Variants in PCNT observed in about 807,000 individuals in gnomAD.
PCNT encodes the protein pericentrin, also known as kendrin.
PCNT carries 319 observed loss-of-function variants against 380.4 expected under a neutral mutation model. The observed-to-expected ratio is 0.84, with a 90% confidence interval of 0.77 to 0.92. The LOEUF (loss-of-function observed/expected upper bound fraction) is 0.92. Ranked by LOEUF, PCNT falls within the 40% of genes least tolerant of loss-of-function variation. The pLI, the probability that PCNT is intolerant of heterozygous loss-of-function variation, is 0.00. For missense variants in PCNT, 4,400 were observed against 4,255.3 expected (o/e 1.03, Z -0.95); for synonymous variants, 1,845 against 1,735.2 (o/e 1.06, Z -1.57).
At chr21:46,375,002 G>A (rs1023486422) in intron 15 of PCNT, among the ~76,000 whole-genome samples, 1 of 152,200 alleles carries the variant, frequency 6.6e-6, no homozygotes. Flanking sequence ...TGTTGGAACA[G>A]CAGTCACTTG....
intron 38 of PCNT, among the ~76,000 whole-genome samples, chr21:46,434,838 G>C (rs1023261772): frequency 1.3e-5 from 2 of 152,204 alleles, no homozygotes; most frequent in Non-Finnish European, 2.9e-5. Context: ...TGGTATGAGC[G>C]TCTGGGCGTG....
At chr21:46,365,733 T>C (rs1249707259) in intron 14 of PCNT, among the ~76,000 whole-genome samples, 1 of 147,984 alleles carries the variant, frequency 6.8e-6, no homozygotes, top group Non-Finnish European at 1.5e-5. Flanking sequence ...TGGGGTTCTA[T>C]TCACTGCCGT....
intron 36 of PCNT, 102 bp downstream of exon 36, chr21:46,430,334 G>T: frequency 2.1e-6 from 3 of 1,395,420 alleles, no homozygotes; most frequent in Non-Finnish European, 2.0e-6. Context: ...GGCCGCAGTT[G>T]GGCAGCCCCA....
chr21:46,331,885 C>T lies in PCNT; in HGVS notation c.268-2512C>T, dbSNP rs191897049. 5.7e-4 allele frequency among the ~76,000 whole-genome samples: 87 copies of T among 152,016 alleles called. 1 individual carries two copies. Among genetic ancestry groups the T allele is most frequent in the Admixed American group, 1.5e-3 (23 of 15,266 alleles). On this transcript the variant is annotated intron_variant, in intron 2 of 46. Transcript: ENST00000359568. ...TTGGTAAAAGAACCATCTGGCGGGA[C>T]GCATTGGCTCATGCCTGTAATCCCA...
chr21:46,399,767 CAG>C lies in PCNT; in HGVS notation c.4764_4765del (p.Asn1590HisfsTer9). ...CCAGCTCCAGGAAGAAGTGGAAAAA[CAG>C]AAAAACATCGTGAAAGGGCTGGAAC... ...VAQLQEEVEK[Q>X]KNIVKGLEQD... is the part of the protein sequence containing the mutation. On this transcript the variant is annotated frameshift_variant, in exon 25 of 47. Coordinates refer to ENST00000359568, the MANE Select transcript of PCNT (RefSeq NM_006031.6). LOFTEE classifies it high-confidence loss of function. The C allele has an allele frequency of 6.2e-7, 1 of 1,614,108 alleles. No homozygotes were observed. The highest frequency in any genetic ancestry group is 8.5e-7 in the Non-Finnish European group (1 of 1,179,990).
chr21:46,419,156 T>C (rs1701181704), intron 31 of PCNT, among the ~76,000 whole-genome samples: 1 of 152,222 alleles, frequency 6.6e-6, no homozygotes, highest in South Asian at 2.1e-4. Context: ...ATCTGTTGGA[T>C]TTTTCAGCGA....
At chr21:46,440,322 C>A in intron 42 of PCNT, 120 bp downstream of exon 42, 1 of 1,050,798 alleles carries the variant, frequency 9.5e-7, no homozygotes, top group Non-Finnish European at 1.5e-6. Context: ...GCAGTCACAT[C>A]ACTAAAGGAA....
chr21:46,349,249 A>C, intron 7 of PCNT, 63 bp downstream of exon 7: 5 of 1,314,658 alleles, frequency 3.8e-6, no homozygotes, highest in Non-Finnish European at 5.5e-6. Flanking sequence ...TACTGGAAGG[A>C]ATGTCGTTCA....
chr21:46,367,141 T>A lies in PCNT; in HGVS notation c.3165+2T>A, dbSNP rs2084956661. ...CACGAGCTGCAGGGAGTGCACCAGG[T>A]AAGGCGCCAGGGCCCTGCCCCAGCC... On this transcript the variant is annotated splice_donor_variant, in intron 15 of 46. Transcript: ENST00000359568. LOFTEE classifies it high-confidence loss of function. 1 of 1,611,184 alleles carries A rather than the reference T, an allele frequency of 6.2e-7. No homozygotes were observed. The highest frequency in any genetic ancestry group is 1.3e-5 in the African/African-American group (1 of 74,866).
At position 46,430,567 on chromosome 21, in the gene PCNT, G is replaced by A. The variant is rs1306131423; in HGVS notation, c.7974G>A (p.Glu2658=). ...LKAALQELES[E]QGKGRALQSQ... ...CCGCGCTTCAGGAGCTGGAGAGTGA[G>A]CAGGGGAAGGGGCGTGCCCTGCAGA... The change falls in exon 37 of 47, where the codon GAG becomes GAA. Residue 2658 remains glutamate (E), a synonymous_variant. Coordinates refer to ENST00000359568, the MANE Select transcript of PCNT (RefSeq NM_006031.6). 1 of 1,559,596 alleles carries A rather than the reference G, an allele frequency of 6.4e-7. No individual in the cohort carries two copies. Among genetic ancestry groups the A allele is most frequent in the Non-Finnish European group, 8.7e-7 (1 of 1,152,260 alleles).
Position 46,425,161 on chromosome 21 carries a change from G to C in PCNT, c.7180-670G>C, listed in dbSNP as rs55963733. Among the ~76,000 whole-genome samples the C allele has an allele frequency of 3.5e-3, 531 of 152,294 alleles. 4 individuals carry two copies. Among genetic ancestry groups the C allele is most frequent in the African/African-American group, 0.012 (511 of 41,556 alleles). On this transcript the variant is annotated intron_variant, in intron 32 of 46. Coordinates refer to ENST00000359568, the MANE Select transcript of PCNT (RefSeq NM_006031.6). The surrounding 1 kb of genome is among the most constrained non-coding windows in gnomAD (Gnocchi z 4.2). ...GGGCTCTAGGCTGGTCGTGACACCA[G>C]CTTCTCCATAGGGCCGTCTGCTTAC... is the stretch of plus-strand genomic sequence containing the variant.
chr21:46,325,543 C>T (rs576484086), intron 1 of PCNT, among the ~76,000 whole-genome samples: 1 of 152,298 alleles, frequency 6.6e-6, no homozygotes, highest in Admixed American at 6.5e-5. Context: ...CTTGAGAGAC[C>T]ATTTTCTTGT....
In PCNT at chr21:46,433,187, G is replaced by A. The variant is rs367889047; in HGVS notation, c.8751+972G>A. On this transcript the variant is annotated intron_variant, in intron 38 of 46. Transcript: ENST00000359568. Reference sequence around the variant, plus strand: ...ATTTGAGGTCAGGAGTTCAAGACCAGCCTGGCCAACAAGGCGAAAGCCCAT... The same window carrying A: ...ATTTGAGGTCAGGAGTTCAAGACCAACCTGGCCAACAAGGCGAAAGCCCAT... Among the ~76,000 whole-genome samples, 3 of 152,176 alleles carry A rather than the reference G, an allele frequency of 2.0e-5. No individual in the cohort carries two copies. The East Asian group carries it at 5.9e-4, about 30-fold the overall frequency.
rs2084201926 is a variant in PCNT, at chr21:46,349,807, A to G, written c.1331A>G (p.Glu444Gly). ...TTCAAGTTCAAAGAGAGCGAGAAAG[A>G]AAAACAGCTGGAGGTGGGCAGCAGC... ...LEFKFKESEK[E>G]KQLELENLQA... The change falls in exon 8 of 47, where the codon GAA becomes GGA. Residue 444 changes from glutamate to glycine, a missense_variant. By Grantham distance (98) the Glu-to-Gly change is moderately conservative (BLOSUM62 -2). Coordinates refer to ENST00000359568, the MANE Select transcript of PCNT (RefSeq NM_006031.6). 1 of 1,614,160 alleles carries G rather than the reference A, an allele frequency of 6.2e-7. No homozygotes were observed. The highest frequency in any genetic ancestry group is 1.1e-5 in the South Asian group (1 of 91,090).
chr21:46,373,887 G>A (rs1284780924), intron 15 of PCNT, among the ~76,000 whole-genome samples: 7 of 151,672 alleles, frequency 4.6e-5, no homozygotes, highest in African/African-American at 1.5e-4. Flanking sequence ...ATACCACCAC[G>A]CCTGGCTAAT....
intron 2 of PCNT, among the ~76,000 whole-genome samples, chr21:46,326,840 C>T (rs898666448): frequency 6.6e-6 from 1 of 151,908 alleles, no homozygotes; most frequent in Non-Finnish European, 1.5e-5. Flanking sequence ...ATGGAGAAAC[C>T]CTGTCTATAC....
chr21:46,375,185 G>C (rs1016384368), intron 15 of PCNT, among the ~76,000 whole-genome samples: 1 of 152,170 alleles, frequency 6.6e-6, no homozygotes, highest in Non-Finnish European at 1.5e-5. Flanking sequence ...GCCTGTGCTG[G>C]TAACACGACG....
chr21:46,347,874 G>T (rs1170161745), intron 6 of PCNT, among the ~76,000 whole-genome samples: 1 of 152,172 alleles, frequency 6.6e-6, no homozygotes, highest in Non-Finnish European at 1.5e-5. Context: ...GGGTGCCGGG[G>T]AGAATACCAC....
chr21:46,386,044 G>C, intron 17 of PCNT, 61 bp downstream of exon 17: 1 of 1,601,714 alleles, frequency 6.2e-7, no homozygotes, highest in Non-Finnish European at 8.5e-7. Flanking sequence ...GGGTCATGCA[G>C]ATGCCATTGG....
Sources: allele counts gnomAD v4.1 joint callset (sites outside exome capture counted in the v4.1 genomes callset), GRCh38; gene constraint gnomAD v4.1.1; non-coding constraint Gnocchi (gnomAD v3.1); transcripts MANE v1.5; gene names NCBI Gene and HGNC (gene_info 2026-07-23, HGNC 2026-07-21).